TM4SF4: variants seen among roughly 807,000 people sequenced by gnomAD.
TM4SF4 encodes transmembrane 4 L six family member 4.
Under a neutral mutation model 24.1 loss-of-function variants are expected in TM4SF4, and 24 were observed. The observed-to-expected ratio is 1.00, with a 90% CI of 0.72 to 1.40. The LOEUF (loss-of-function observed/expected upper bound fraction) is 1.40, where lower values mean the gene tolerates loss of function less well. Ranked by LOEUF, TM4SF4 falls within the 40% of genes most tolerant of loss-of-function variation. TM4SF4 has a pLI of 0.00. For missense variants in TM4SF4, 254 were observed against 254.2 expected (o/e 1.00, Z 0.01); for synonymous variants, 113 against 97.0 (o/e 1.17, Z -0.97).
At chr3:149,494,143 G>C (rs777303566) in intron 3 of TM4SF4, among the ~76,000 whole-genome samples, 13 of 152,174 alleles carry the variant, frequency 8.5e-5, no homozygotes, top group Non-Finnish European at 1.6e-4. Context: ...TGGGGAGTTG[G>C]ACACAGTGAT....
At chr3:149,494,233 G>T (rs1397007798) in intron 3 of TM4SF4, among the ~76,000 whole-genome samples, 1 of 152,176 alleles carries the variant, frequency 6.6e-6, no homozygotes, top group African/African-American at 2.4e-5. Context: ...GAGAGAAGAA[G>T]GGCCTGAGTG....
chr3:149,475,762 G>A, intron 1 of TM4SF4, 61 bp from the exon 2 acceptor site: 1 of 1,431,882 alleles, frequency 7.0e-7, no homozygotes, highest in Non-Finnish European at 9.7e-7. Context: ...ATACAGTCAG[G>A]CAGGCTCGGG....
chr3:149,478,397 G>A (rs961190246), intron 2 of TM4SF4, among the ~76,000 whole-genome samples: 1 of 151,942 alleles, frequency 6.6e-6, no homozygotes, highest in Non-Finnish European at 1.5e-5. Flanking sequence ...CACCCACCTC[G>A]TCATCCCAAA....
intron 3 of TM4SF4, chr3:149,495,533 T>A (rs1035854373): frequency 7.6e-6 from 3 of 394,408 alleles, no homozygotes; most frequent in African/African-American, 6.3e-5. Flanking sequence ...AAGCTCTTCC[T>A]GGGGAAAATG....
intron 2 of TM4SF4, among the ~76,000 whole-genome samples, chr3:149,482,485 T>C (rs1272419720): frequency 6.6e-6 from 1 of 152,222 alleles, no homozygotes; most frequent in African/African-American, 2.4e-5. Flanking sequence ...CTATTTACTG[T>C]AAATAATACC....
At chr3:149,499,532 A>C (rs1224743161) in intron 4 of TM4SF4, among the ~76,000 whole-genome samples, 1 of 152,184 alleles carries the variant, frequency 6.6e-6, no homozygotes, top group Non-Finnish European at 1.5e-5. Context: ...CTAATACCCA[A>C]ATCAAATTAG....
chr3:149,502,686 C>G lies in TM4SF4; in HGVS notation c.602C>G (p.Pro201Arg). 6.2e-7 allele frequency: 1 copy of G among 1,600,406 alleles called. No homozygotes were observed. Among genetic ancestry groups the G allele is most frequent in the South Asian group, 1.1e-5 (1 of 90,388 alleles). ...QCCGCCGGDG[P>R]V is the part of the protein sequence containing the mutation. Reference sequence around the variant, plus strand: ...TTTTCTACCTTCTAGGGAGATGGACCCGTTTAAACCTCCGAGATGAGCTGC... The same window carrying G: ...TTTTCTACCTTCTAGGGAGATGGACGCGTTTAAACCTCCGAGATGAGCTGC... Residue 201 changes from proline (P) to arginine (R), a missense_variant, in exon 5 of 5, where the codon CCC becomes CGC. Pro to Arg is a moderately radical substitution (Grantham distance 103). Transcript: ENST00000305354.
intron 3 of TM4SF4, among the ~76,000 whole-genome samples, chr3:149,498,026 T>A (rs1734343825): frequency 6.6e-6 from 1 of 152,210 alleles, no homozygotes; most frequent in Non-Finnish European, 1.5e-5. Context: ...ACAGCTTATG[T>A]AAAACATGTA....
chr3:149,498,237 T>A lies in TM4SF4; in HGVS notation c.402-485T>A, dbSNP rs182745757. ...TCAGATGGCCACTACACTTGACAAG[T>A]CATCTGTCAAAAGTCAAAACGGTCT... is the stretch of plus-strand genomic sequence containing the variant. On this transcript the variant is annotated intron_variant, in intron 3 of 4. Transcript: ENST00000305354. Among the ~76,000 whole-genome samples, 327 of 152,298 alleles carry A rather than the reference T, an allele frequency of 2.1e-3. 1 individual carries two copies. Among genetic ancestry groups the A allele is most frequent in the Non-Finnish European group, 2.9e-3 (199 of 68,028 alleles).
rs371746913 is a variant in TM4SF4 at position 149,490,813 on chromosome 3, T to C, written c.401+3058T>C. 7.9e-5 allele frequency among the ~76,000 whole-genome samples: 12 copies of C among 152,304 alleles called. No individual in the cohort carries two copies. The East Asian group carries it at 1.9e-3, about 25-fold the overall frequency. On this transcript the variant is annotated intron_variant, in intron 3 of 4. Transcript: ENST00000305354. The stretch of plus-strand genomic sequence containing the variant: ...TCAGAGAGTAGAAAGGATCAGTCAC[T>C]TGTATGAGCCAAAAACAAGAAAACT...
rs201060669 is a variant in TM4SF4 at position 149,502,632 on chromosome 3, A to T, written c.592-44A>T. The T allele has an allele frequency of 3.3e-6, 5 of 1,533,620 alleles. No homozygotes were observed. In the East Asian group the frequency reaches 6.8e-5, roughly 21 times the overall value. On this transcript the variant is annotated intron_variant, in intron 4 of 4. Coordinates refer to ENST00000305354, the MANE Select transcript of TM4SF4 (RefSeq NM_004617.4). ...AAGGAGGGGAAAAGCAAAAATTTAC[A>T]TAAATCATGACATCATAGTTAATTC...
chr3:149,492,200 G>A (rs560136853), intron 3 of TM4SF4, among the ~76,000 whole-genome samples: 1 of 152,248 alleles, frequency 6.6e-6, no homozygotes, highest in Non-Finnish European at 1.5e-5. Context: ...GAGTCATCAG[G>A]TTTAGGTGTG....
chr3:149,497,770 G>C (rs1461227185), intron 3 of TM4SF4, among the ~76,000 whole-genome samples: 1 of 152,122 alleles, frequency 6.6e-6, no homozygotes, highest in Non-Finnish European at 1.5e-5. Flanking sequence ...TTAGTCTCCT[G>C]AGTAGCTGGG....
rs181249718 is a variant in TM4SF4 at position 149,495,803 on chromosome 3, G to A, written c.402-2919G>A. 1.2e-4 allele frequency: 26 copies of A among 211,526 alleles called. 1 individual carries two copies. In the Admixed American group the frequency reaches 1.3e-3, roughly 10 times the overall value. 13.1% of individuals were successfully genotyped at this position (211,526 alleles called of 1,614,324 possible). A position where few individuals can be genotyped will look rare whatever the true frequency, so the allele number is the denominator to read the frequency against. On this transcript the variant is annotated intron_variant, in intron 3 of 4. Transcript: ENST00000305354. ...GCAGGCCTTAAATTCTCGAAATCCG[G>A]TGATGCTGCCATCATCAATGTGGTT...
chr3:149,487,802 G>A (rs368925781), intron 3 of TM4SF4, 47 bp downstream of exon 3: 1 of 1,602,198 alleles, frequency 6.2e-7, no homozygotes, highest in Non-Finnish European at 8.5e-7. Context: ...AAGGGGCATG[G>A]GCAGATAAAT....
At chr3:149,476,792 GTTTTTTTTTGTTTTTGTTTTTGTTT>G (rs1733936504) in intron 2 of TM4SF4, among the ~76,000 whole-genome samples, 1 of 102,854 alleles carries the variant, frequency 9.7e-6, no homozygotes, top group Admixed American at 1.1e-4. Context: ...TTTCTTTTCT[GTTTTTTTTTGTTTTTGTTTTTGTTT>G]TTTTTTTTTT....
In TM4SF4 at chr3:149,502,872, A is replaced by G. The variant is rs1413436828; in HGVS notation, c.*179A>G. 12 of 477,618 alleles carry G rather than the reference A, an allele frequency of 2.5e-5. No homozygotes were observed. The highest frequency in any genetic ancestry group is 3.9e-5 in the Admixed American group (1 of 25,868). 29.6% of individuals were successfully genotyped at this position (477,618 alleles called of 1,614,324 possible). ...TCGAGTTAGAATTTTGTTATTTTCA[A>G]ATAAAAAATAGTTTGGCCACTTAAC... On this transcript the variant is annotated 3_prime_UTR_variant, in exon 5 of 5. Coordinates refer to ENST00000305354, the MANE Select transcript of TM4SF4 (RefSeq NM_004617.4).
chr3:149,489,656 C>T (rs1734177980), intron 3 of TM4SF4, among the ~76,000 whole-genome samples: 1 of 152,156 alleles, frequency 6.6e-6, no homozygotes, highest in South Asian at 2.1e-4. Flanking sequence ...CAGGAAACGA[C>T]TTTTGGAAGT....
At chr3:149,480,505 C>T (rs1473730995) in intron 2 of TM4SF4, among the ~76,000 whole-genome samples, 1 of 152,136 alleles carries the variant, frequency 6.6e-6, no homozygotes, top group African/African-American at 2.4e-5. Context: ...TGATCAACCT[C>T]CCTGTTTTGA....
Sources: gnomAD v4.1 joint callset for allele counts (sites outside exome capture counted in the v4.1 genomes callset) on GRCh38, gnomAD v4.1.1 for gene constraint, MANE v1.5 for transcripts, NCBI Gene and HGNC (gene_info 2026-07-23, HGNC 2026-07-21) for gene names.